The following RPS6KC1 variants were observed in gnomAD, a reference collection of about 807,000 sequenced individuals.
RPS6KC1 encodes the protein inactive ribosomal protein S6 kinase delta-1.
In RPS6KC1, 54 loss-of-function variants were observed where a neutral mutation model predicts 103.8. That is an observed-to-expected ratio of 0.52 (90% confidence interval 0.42 to 0.65). The LOEUF (loss-of-function observed/expected upper bound fraction) is 0.65, where lower values mean the gene tolerates loss of function less well. RPS6KC1 is among the 30% of genes least tolerant of loss of function. The probability of loss-of-function intolerance (pLI) is 0.00; values close to 1 mark genes in which losing one functional copy is unlikely to be tolerated. For missense variants in RPS6KC1, 1,151 were observed against 1,253.8 expected, an observed-to-expected ratio of 0.92 and a Z score of 1.24; for synonymous variants, 439 against 438.7, an observed-to-expected ratio of 1.00 and a Z score of -0.01.
At chr1:213,805,434 G>A in the RPS6KC1 span, among the ~76,000 whole-genome samples, 13,259 of 152,194 alleles carry the variant, frequency 0.087, 958 homozygotes, top group East Asian at 0.21. Context: ...AGTGTTTACG[G>A]CATCTTCACC....
the RPS6KC1 span, among the ~76,000 whole-genome samples, chr1:213,521,747 T>C: frequency 6.6e-6 from 1 of 152,226 alleles, no homozygotes; most frequent in Non-Finnish European, 1.5e-5. Context: ...TCTTTGCTCA[T>C]CCATAAGAAG....
chr1:213,475,803 T>C, the RPS6KC1 span, among the ~76,000 whole-genome samples: 8 of 152,196 alleles, frequency 5.3e-5, no homozygotes, highest in Non-Finnish European at 1.0e-4. Flanking sequence ...CTCTGATGTG[T>C]ATGGCGGAAA....
chr1:213,051,613 TG>T, intron 1 of RPS6KC1, 104 bp downstream of exon 1: 2 of 793,196 alleles, frequency 2.5e-6, no homozygotes, highest in East Asian at 2.7e-5. Flanking sequence ...GAGCCGAGGG[TG>T]GGACTGGGTG....
At chr1:213,823,458 C>T in the RPS6KC1 span, among the ~76,000 whole-genome samples, 4 of 152,030 alleles carry the variant, frequency 2.6e-5, no homozygotes, top group African/African-American at 9.7e-5. Flanking sequence ...CCTGTGAGAG[C>T]TCAATACAGA....
the RPS6KC1 span, among the ~76,000 whole-genome samples, chr1:213,788,286 A>G: frequency 6.6e-6 from 1 of 152,066 alleles, no homozygotes. Context: ...CCAAAAGACA[A>G]ATGGTTTTTG....
intron 8 of RPS6KC1, among the ~76,000 whole-genome samples, chr1:213,179,631 TC>T (rs1181812756): frequency 3.9e-5 from 6 of 152,196 alleles, no homozygotes; most frequent in African/African-American, 1.4e-4. Flanking sequence ...TGATTCTGTT[TC>T]ATTACAGTAT....
the RPS6KC1 span, among the ~76,000 whole-genome samples, chr1:213,496,585 C>G: frequency 6.6e-6 from 1 of 152,068 alleles, no homozygotes; most frequent in Non-Finnish European, 1.5e-5. Flanking sequence ...TGGTGAAACC[C>G]CGTCTCTACT....
the RPS6KC1 span, among the ~76,000 whole-genome samples, chr1:213,454,028 A>G: frequency 6.6e-6 from 1 of 152,218 alleles, no homozygotes; most frequent in Non-Finnish European, 1.5e-5. Flanking sequence ...GTATGTAGAT[A>G]ATAGTCTATG....
At chr1:213,390,543 A>G in the RPS6KC1 span, among the ~76,000 whole-genome samples, 2 of 152,190 alleles carry the variant, frequency 1.3e-5, no homozygotes, top group African/African-American at 4.8e-5. Flanking sequence ...AGAGTTTGCT[A>G]TTTGCAAAAC....
chr1:213,462,223 A>C, the RPS6KC1 span, among the ~76,000 whole-genome samples: 4 of 152,244 alleles, frequency 2.6e-5, no homozygotes, highest in Non-Finnish European at 5.9e-5. Context: ...ATCTCACACC[A>C]GTTAGAATGG....
the RPS6KC1 span, among the ~76,000 whole-genome samples, chr1:213,724,216 T>C: frequency 2.6e-5 from 4 of 152,314 alleles, no homozygotes; most frequent in South Asian, 8.3e-4. Flanking sequence ...GCCTCTCAAG[T>C]AGCTGGGATT....
chr1:213,677,162 C>T, the RPS6KC1 span, among the ~76,000 whole-genome samples: 12 of 152,210 alleles, frequency 7.9e-5, no homozygotes, highest in African/African-American at 2.7e-4. Flanking sequence ...TGTTCTTTCT[C>T]TCTTGCCTTC....
At chr1:213,641,985 A>G in the RPS6KC1 span, among the ~76,000 whole-genome samples, 1 of 152,034 alleles carries the variant, frequency 6.6e-6, no homozygotes, top group Non-Finnish European at 1.5e-5. Context: ...CCACCACCAT[A>G]GGATTGCCTG....
intron 12 of RPS6KC1, among the ~76,000 whole-genome samples, chr1:213,251,087 G>A (rs917992817): frequency 4.2e-5 from 6 of 143,806 alleles, no homozygotes; most frequent in South Asian, 4.4e-4. Flanking sequence ...TTCTTTATTC[G>A]CCCAGGTTTT....
At chr1:213,785,939 T>C in the RPS6KC1 span, among the ~76,000 whole-genome samples, 1 of 152,244 alleles carries the variant, frequency 6.6e-6, no homozygotes, top group Non-Finnish European at 1.5e-5. Context: ...ATAAAACTAT[T>C]TCCCTTTAGT....
At chr1:213,073,007 CAATTGCATGGTTCTTTGTTA>C in intron 2 of RPS6KC1, 1 of 536,242 alleles carries the variant, frequency 1.9e-6, no homozygotes, top group Non-Finnish European at 2.4e-6. Flanking sequence ...TTTAGTTAGA[CAATTGCATGGTTCTTTGTTA>C]GAAGTGGTAT....
At chr1:213,338,084 G>C in the RPS6KC1 span, among the ~76,000 whole-genome samples, 1 of 152,124 alleles carries the variant, frequency 6.6e-6, no homozygotes, top group Non-Finnish European at 1.5e-5. Flanking sequence ...GTTATTGGGG[G>C]AAGAGCTGAA....
chr1:213,429,058 C>G, the RPS6KC1 span: 1 of 152,164 alleles, frequency 6.6e-6, no homozygotes, highest in African/African-American at 2.4e-5. Flanking sequence ...TTCTCACTAC[C>G]CTTTTTGTAG....
chr1:213,471,618 C>G, the RPS6KC1 span, among the ~76,000 whole-genome samples: 4 of 152,112 alleles, frequency 2.6e-5, no homozygotes, highest in Non-Finnish European at 5.9e-5. Flanking sequence ...ATAATTGCTA[C>G]TCATCTATCA....
Sources: allele counts gnomAD v4.1 joint callset (sites outside exome capture counted in the v4.1 genomes callset), GRCh38; gene constraint gnomAD v4.1.1; transcripts MANE v1.5; gene names NCBI Gene and HGNC (gene_info 2026-07-23, HGNC 2026-07-21).